PPP6R3: variants seen among roughly 807,000 people sequenced by gnomAD.
The protein encoded by PPP6R3 is protein phosphatase 6 regulatory subunit 3.
In PPP6R3, 38 loss-of-function variants were observed where a neutral mutation model predicts 110.7. That is an observed-to-expected ratio of 0.34 (90% CI 0.26 to 0.45). PPP6R3 has a LOEUF of 0.45. PPP6R3 is among the 20% of genes least tolerant of loss of function. PPP6R3 has a pLI of 1.00. For synonymous variants in PPP6R3, 369 were observed against 373.5 expected (o/e 0.99, Z 0.14); for missense variants, 870 against 1,062.4 (o/e 0.82, Z 2.52).
At position 68,540,723 on chromosome 11, in the gene PPP6R3, C is replaced by T. The variant is rs138852962; in HGVS notation, c.227+2832C>T. 7.1e-3 allele frequency among the ~76,000 whole-genome samples: 1,086 copies of T among 152,242 alleles called. 13 individuals carry two copies. Among genetic ancestry groups the T allele is most frequent in the African/African-American group, 0.025 (1,031 of 41,524 alleles). On this transcript the variant is annotated intron_variant, in intron 3 of 23. Transcript: ENST00000393800. ...CAGTTTAGAGACCTACCCCCAGGTG[C>T]GCATTCTCTTTCTCAGGGATGTTCC...
rs2099495554 is a variant in PPP6R3 at position 68,569,800 on chromosome 11, T to C, written c.1181T>C (p.Ile394Thr). Reference protein sequence around the residue: ...WNNFLHTQVEICIALILASPF... With the variant: ...WNNFLHTQVETCIALILASPF... Reference sequence around the variant, plus strand: ...AACTTTTTGCATACACAAGTGGAAATTTGTATTGCACTGATTCTTGCAAGT... The same window carrying C: ...AACTTTTTGCATACACAAGTGGAAACTTGTATTGCACTGATTCTTGCAAGT... The change falls in exon 11 of 24, where the codon ATT becomes ACT. Residue 394 changes from isoleucine to threonine, a missense_variant. By Grantham distance (89) the Ile-to-Thr change is moderately conservative (BLOSUM62 -1). Coordinates refer to ENST00000393800, the MANE Select transcript of PPP6R3 (RefSeq NM_001164161.2). The C allele has an allele frequency of 1.2e-6, 2 of 1,607,044 alleles. No homozygotes were observed. The highest frequency in any genetic ancestry group is 1.7e-5 in the Admixed American group (1 of 59,604).
intron 3 of PPP6R3, among the ~76,000 whole-genome samples, chr11:68,540,475 C>T (rs936024850): frequency 6.6e-6 from 1 of 152,080 alleles, no homozygotes; most frequent in Non-Finnish European, 1.5e-5. Flanking sequence ...GGAGGCAGGG[C>T]GAGATCACAG....
chr11:68,547,557 A>AGT lies in PPP6R3; in HGVS notation c.415-509_415-508dup, dbSNP rs1343232641. Among the ~76,000 whole-genome samples, 157 of 152,338 alleles carry AGT rather than the reference A, an allele frequency of 1.0e-3. 4 individuals carry two copies. The highest frequency in any genetic ancestry group is 4.0e-4 in the Non-Finnish European group (27 of 68,032). ...CTAAGCTATTGGAGTAAATTGGTGA[A>AGT]GTCAAAATCAAAGGCGATGTTTGTG... On this transcript the variant is annotated intron_variant, in intron 4 of 23. Transcript: ENST00000393800.
chr11:68,575,876 C>T, intron 13 of PPP6R3, 82 bp from the exon 14 acceptor site: 1 of 1,089,516 alleles, frequency 9.2e-7, no homozygotes. Flanking sequence ...AGTAGGCCCA[C>T]TTTTATATTA....
In PPP6R3 at chr11:68,614,961, T is replaced by A; in HGVS notation, c.*1844T>A. On this transcript the variant is annotated 3_prime_UTR_variant, in exon 24 of 24. Coordinates refer to ENST00000393800, the MANE Select transcript of PPP6R3 (RefSeq NM_001164161.2). ...CCACTGGTGGCACACGTGGCCTCCGTGGTATGGACCTGGTGGCTTCTCCAT... is the reference window on the plus strand; with the variant it reads ...CCACTGGTGGCACACGTGGCCTCCGAGGTATGGACCTGGTGGCTTCTCCAT... The A allele has an allele frequency of 1.7e-6, 1 of 601,424 alleles. No homozygotes were observed. The highest frequency in any genetic ancestry group is 1.5e-5 in the South Asian group (1 of 65,850). The allele number at this position is 601,424 out of a possible 1,614,324, so 37.3% of individuals were successfully genotyped here. A position where few individuals can be genotyped will look rare whatever the true frequency, so the allele number is the denominator to read the frequency against.
At chr11:68,591,492 T>C (rs2099595243) in intron 17 of PPP6R3, 84 bp from the exon 18 acceptor site, 22 of 1,326,284 alleles carry the variant, frequency 1.7e-5, no homozygotes, top group Non-Finnish European at 2.2e-5. Context: ...AGTGAAAAAA[T>C]GCAATTTACA....
At chr11:68,590,129 A>G (rs1348062442) in intron 16 of PPP6R3, among the ~76,000 whole-genome samples, 2 of 152,188 alleles carry the variant, frequency 1.3e-5, no homozygotes, top group African/African-American at 4.8e-5. Context: ...GAATCATAAG[A>G]TAGCCCCTCC....
At chr11:68,562,381 CA>C (rs1276377774) in intron 8 of PPP6R3, among the ~76,000 whole-genome samples, 1 of 152,174 alleles carries the variant, frequency 6.6e-6, no homozygotes, top group Admixed American at 6.5e-5. Flanking sequence ...AATGGACCTG[CA>C]GATTCAATGC....
intron 1 of PPP6R3, among the ~76,000 whole-genome samples, chr11:68,512,742 T>C (rs115406362): frequency 0.01 from 1,553 of 152,248 alleles, 10 homozygotes; most frequent in African/African-American, 0.012. Context: ...TGAGAGTGTT[T>C]TCAGAGGAGA....
At chr11:68,599,255 T>TCC (rs2099623261) in intron 19 of PPP6R3, among the ~76,000 whole-genome samples, 3 of 152,234 alleles carry the variant, frequency 2.0e-5, no homozygotes, top group African/African-American at 2.4e-5. Context: ...CAGCAAAGAA[T>TCC]TGAGGATTCA....
chr11:68,489,494 G>C (rs1385521592), intron 1 of PPP6R3, among the ~76,000 whole-genome samples: 1 of 151,290 alleles, frequency 6.6e-6, no homozygotes, highest in Non-Finnish European at 1.5e-5. Flanking sequence ...TGCACATACA[G>C]GTATTATACC....
At chr11:68,472,667 T>G (rs1306766249) in intron 1 of PPP6R3, among the ~76,000 whole-genome samples, 1 of 152,086 alleles carries the variant, frequency 6.6e-6, no homozygotes, top group Non-Finnish European at 1.5e-5. Context: ...CACAGACTAT[T>G]CAATTGATCA....
intron 15 of PPP6R3, chr11:68,587,686 G>T (rs1292488199): frequency 8.7e-6 from 5 of 572,286 alleles, no homozygotes; most frequent in Non-Finnish European, 1.6e-5. Context: ...GGACAGAGTG[G>T]TCACATAGTG....
chr11:68,567,429 G>A (rs115196129), intron 10 of PPP6R3, among the ~76,000 whole-genome samples: 2,845 of 152,222 alleles, frequency 0.019, 91 homozygotes, highest in African/African-American at 0.065. Context: ...CTTTTCCCTC[G>A]TGCTCCGTCT....
intron 3 of PPP6R3, among the ~76,000 whole-genome samples, chr11:68,539,995 G>T (rs1565698004): frequency 6.6e-6 from 1 of 152,212 alleles, no homozygotes; most frequent in Non-Finnish European, 1.5e-5. Context: ...TGCTTGGTGT[G>T]CCCCAAGAAC....
chr11:68,508,845 ACAGGGTTAGG>A, intron 1 of PPP6R3, among the ~76,000 whole-genome samples: 1 of 148,268 alleles, frequency 6.7e-6, no homozygotes, highest in South Asian at 2.1e-4. Flanking sequence ...AGGTTGTGTG[ACAGGGTTAGG>A]TTGTATGACT....
chr11:68,523,218 G>C (rs1592496601), intron 2 of PPP6R3, among the ~76,000 whole-genome samples: 1 of 152,164 alleles, frequency 6.6e-6, no homozygotes, highest in South Asian at 2.1e-4. Context: ...CTGGCAGTCA[G>C]CTGTGTCTCT....
At position 68,594,399 on chromosome 11, in the gene PPP6R3, ACAATC is replaced by A. The variant is rs572098852; in HGVS notation, c.1917-1696_1917-1692del. ...TGACTGGGCATGGTGGCTCATGCCT[ACAATC>A]CCAGCACTTTGGGAGGCCAAGGCAG... On this transcript the variant is annotated intron_variant, in intron 18 of 23. Transcript: ENST00000393800. Among the ~76,000 whole-genome samples, 213 of 152,052 alleles carry A rather than the reference ACAATC, an allele frequency of 1.4e-3. 1 individual carries two copies. Among genetic ancestry groups the A allele is most frequent in the Admixed American group, 2.8e-3 (42 of 15,260 alleles).
intron 22 of PPP6R3, chr11:68,609,506 G>C: frequency 7.9e-7 from 1 of 1,267,656 alleles, no homozygotes; most frequent in Non-Finnish European, 1.1e-6. Context: ...CTGCAGTTTT[G>C]CTTACGTGCA....
Sources: allele counts gnomAD v4.1 joint callset (sites outside exome capture counted in the v4.1 genomes callset), GRCh38; gene constraint gnomAD v4.1.1; transcripts MANE v1.5; gene names NCBI Gene and HGNC (gene_info 2026-07-23, HGNC 2026-07-21).